SLC3A2: variants seen among roughly 807,000 people sequenced by gnomAD.
SLC3A2 encodes the protein amino acid transporter heavy chain SLC3A2.
In SLC3A2, 32 loss-of-function variants were observed where a neutral mutation model predicts 48.5. The ratio of observed to expected loss-of-function variants is 0.66; its 90% CI spans 0.50 to 0.89. The LOEUF (loss-of-function observed/expected upper bound fraction) is 0.89, where lower values mean the gene tolerates loss of function less well. SLC3A2 is among the 40% of genes least tolerant of loss of function. The pLI, the probability that SLC3A2 is intolerant of heterozygous loss-of-function variation, is 0.00. For synonymous variants in SLC3A2, 277 were observed against 288.8 expected, an observed-to-expected ratio of 0.96 and a Z score of 0.41; for missense variants, 587 against 680.7, an observed-to-expected ratio of 0.86 and a Z score of 1.53.
At chr11:62,857,695 C>CAAAAA (rs56818745) in intron 1 of SLC3A2, among the ~76,000 whole-genome samples, 1 of 52,796 alleles carries the variant, frequency 1.9e-5, no homozygotes, top group Admixed American at 3.4e-4. Flanking sequence ...GACCCTGTCT[C>CAAAAA]AAAAAAAAAA....
intron 1 of SLC3A2, among the ~76,000 whole-genome samples, chr11:62,858,230 G>A (rs904664612): frequency 7.9e-5 from 12 of 152,114 alleles, no homozygotes; most frequent in African/African-American, 2.4e-4. Flanking sequence ...TCCAACTCAC[G>A]TACAGAAATC....
Position 62,888,731 on chromosome 11 carries a change from C to G in SLC3A2, c.*38C>G. The G allele has an allele frequency of 6.6e-7, 1 of 1,504,932 alleles. No homozygotes were observed. Among genetic ancestry groups the G allele is most frequent in the Non-Finnish European group, 8.9e-7 (1 of 1,127,142 alleles). 93.2% of individuals were successfully genotyped at this position (1,504,932 alleles called of 1,614,324 possible). A position where few individuals can be genotyped will look rare whatever the true frequency, so the allele number is the denominator to read the frequency against. On this transcript the variant is annotated 3_prime_UTR_variant, in exon 9 of 9. Transcript: ENST00000338663. Reference sequence around the variant, plus strand: ...ATGGACCCACTACCCTTCTCCTTTCCTTCCCAGGCCCTTTGGCTTCTGATT... The same window carrying G: ...ATGGACCCACTACCCTTCTCCTTTCGTTCCCAGGCCCTTTGGCTTCTGATT...
intron 1 of SLC3A2, among the ~76,000 whole-genome samples, chr11:62,864,965 A>T (rs1299401109): frequency 6.6e-6 from 1 of 152,136 alleles, no homozygotes; most frequent in Non-Finnish European, 1.5e-5. Context: ...AAGCAGACTT[A>T]CTATGAGCTA....
upstream of SLC3A2, chr11:62,876,967 G>A: frequency 1.0e-6 from 1 of 988,348 alleles, no homozygotes; most frequent in Non-Finnish European, 1.2e-6. Context: ...GGTTTATCTT[G>A]ATATGATACA....
rs181239868 is a variant in SLC3A2, at chr11:62,862,424, A to G, written c.112+6043A>G. On this transcript the variant is annotated intron_variant, in intron 1 of 9. Transcript: ENST00000377889. ...CAGCACTTTGGGAGGCGAAGGTGAGAGGGTCCCTTGAGGCCAGAGGTTTGA... is the reference window on the plus strand; with the variant it reads ...CAGCACTTTGGGAGGCGAAGGTGAGGGGGTCCCTTGAGGCCAGAGGTTTGA... 5.6e-3 allele frequency among the ~76,000 whole-genome samples: 831 copies of G among 148,110 alleles called. 13 individuals carry two copies. The highest frequency in any genetic ancestry group is 4.1e-3 in the Non-Finnish European group (274 of 67,136).
chr11:62,870,557 T>C (rs2134988369), intron 1 of SLC3A2, among the ~76,000 whole-genome samples: 1 of 151,984 alleles, frequency 6.6e-6, no homozygotes, highest in African/African-American at 2.4e-5. Flanking sequence ...TATAGTACCA[T>C]TTGGTAAATA....
In SLC3A2 at chr11:62,881,339, G is replaced by A. The variant is rs1354503464; in HGVS notation, c.316G>A (p.Ala106Thr). 1 of 1,588,820 alleles carries A rather than the reference G, an allele frequency of 6.3e-7. No individual in the cohort carries two copies. The highest frequency in any genetic ancestry group is 1.1e-5 in the South Asian group (1 of 88,184). The change falls in exon 1 of 9, where the codon GCG becomes ACG. Residue 106 changes from alanine to threonine, a missense_variant. Physicochemically the swap from Ala to Thr is moderately conservative, Grantham distance 58. Coordinates refer to ENST00000338663, the MANE Select transcript of SLC3A2 (RefSeq NM_001013251.3). The surrounding 1 kb of genome is among the most constrained non-coding windows in gnomAD (Gnocchi z 4.0). ...TGGTGCCGTGGTCATAATCGTGCGA[G>A]CGCCGCGTTGTCGCGAGCTACCGGC... The part of the protein sequence containing the change: ...LAGAVVIIVR[A>T]PRCRELPAQK...
At position 62,880,988 on chromosome 11, in the gene SLC3A2, C is replaced by G. The variant is rs752802782; in HGVS notation, c.-36C>G. 2 of 1,535,440 alleles carry G rather than the reference C, an allele frequency of 1.3e-6. No individual in the cohort carries two copies. The highest frequency in any genetic ancestry group is 1.8e-6 in the Non-Finnish European group (2 of 1,139,310). On this transcript the variant is annotated 5_prime_UTR_variant, in exon 1 of 9. Transcript: ENST00000338663. ...GGTAGGGGTTGAGCCACCATCTGACCGCAAGCTGCGTCGTGTCGCCGGTTC... is the reference window on the plus strand; with the variant it reads ...GGTAGGGGTTGAGCCACCATCTGACGGCAAGCTGCGTCGTGTCGCCGGTTC...
At chr11:62,865,956 C>T (rs1034319274) in intron 1 of SLC3A2, among the ~76,000 whole-genome samples, 2 of 152,088 alleles carry the variant, frequency 1.3e-5, no homozygotes, top group African/African-American at 4.8e-5. Flanking sequence ...CAGAAGCCAC[C>T]ACTGAATTTC....
chr11:62,885,080 C>A, intron 5 of SLC3A2, 97 bp from the exon 6 acceptor site: 1 of 1,373,172 alleles, frequency 7.3e-7, no homozygotes, highest in Non-Finnish European at 1.0e-6. Flanking sequence ...ATCCACCCGC[C>A]TCAGCCTCCC....
Position 62,888,564 on chromosome 11 carries a change from C to A in SLC3A2, c.1461C>A (p.Ser487Arg). 6.2e-7 allele frequency: 1 copy of A among 1,614,022 alleles called. No homozygotes were observed. The highest frequency in any genetic ancestry group is 1.1e-5 in the South Asian group (1 of 91,086). ...CCTCCGACCTGCCTGCCAGCGCCAG[C>A]CTGCCAGCCAAGGCTGACCTCCTGC... ...LQASDLPASA[S>R]LPAKADLLLS... Residue 487 changes from serine (S) to arginine (R), a missense_variant, in exon 9 of 9, where the codon AGC becomes AGA. By Grantham distance (110) the Ser-to-Arg change is moderately radical (BLOSUM62 -1). Transcript: ENST00000338663.
At chr11:62,875,534 T>C (rs1397884267) in intron 1 of SLC3A2, among the ~76,000 whole-genome samples, 1 of 151,334 alleles carries the variant, frequency 6.6e-6, no homozygotes, top group African/African-American at 2.4e-5. Context: ...AGACTTCATC[T>C]CAAAAAAAAA....
At chr11:62,868,214 G>A (rs1305432929) in intron 1 of SLC3A2, among the ~76,000 whole-genome samples, 1 of 151,962 alleles carries the variant, frequency 6.6e-6, no homozygotes, top group Admixed American at 6.6e-5. Flanking sequence ...GAGCCACCAC[G>A]CCTGGCCTAT....
At chr11:62,874,530 C>T (rs1384317259) in intron 1 of SLC3A2, among the ~76,000 whole-genome samples, 1 of 152,132 alleles carries the variant, frequency 6.6e-6, no homozygotes, top group East Asian at 1.9e-4. Flanking sequence ...CTCTTTCTGG[C>T]TTTTATCCCC....
chr11:62,870,848 TAATAA>T (rs2085506032), intron 1 of SLC3A2: 4 of 166,166 alleles, frequency 2.4e-5, no homozygotes, highest in African/African-American at 1.4e-4. Flanking sequence ...GTAATAATAA[TAATAA>T]TAATTATTAT....
upstream of SLC3A2, among the ~76,000 whole-genome samples, chr11:62,878,169 A>C (rs368995641): frequency 1.3e-4 from 19 of 151,976 alleles, no homozygotes; most frequent in Non-Finnish European, 1.8e-4. Context: ...AAAAAAAAAA[A>C]AACAAAAAAC....
chr11:62,884,978 C>T (rs1199581323), intron 5 of SLC3A2, among the ~76,000 whole-genome samples, 199 bp from the exon 6 acceptor site: 1 of 151,702 alleles, frequency 6.6e-6, no homozygotes, highest in Non-Finnish European at 1.5e-5. Flanking sequence ...ATTACAGACG[C>T]GGGCCACCAC....
At chr11:62,862,743 C>A (rs2085414753) in intron 1 of SLC3A2, among the ~76,000 whole-genome samples, 1 of 152,158 alleles carries the variant, frequency 6.6e-6, no homozygotes, top group South Asian at 2.1e-4. Flanking sequence ...TCAGCCAATT[C>A]ATTGACTGTC....
intron 1 of SLC3A2, among the ~76,000 whole-genome samples, chr11:62,867,910 A>G (rs2085470545): frequency 6.6e-6 from 1 of 151,844 alleles, no homozygotes; most frequent in East Asian, 1.9e-4. Context: ...ATGTTCTACA[A>G]ATTATTTTTC....
Sources: allele counts gnomAD v4.1 joint callset (sites outside exome capture counted in the v4.1 genomes callset), GRCh38; gene constraint gnomAD v4.1.1; non-coding constraint Gnocchi (gnomAD v3.1); transcripts MANE v1.5; gene names NCBI Gene and HGNC (gene_info 2026-07-23, HGNC 2026-07-21).